Variants in THSD7A observed in about 807,000 individuals in gnomAD.
THSD7A encodes the protein thrombospondin type-1 domain-containing protein 7A.
In THSD7A, 96 loss-of-function variants were observed where a neutral mutation model predicts 231.3. The ratio of observed to expected loss-of-function variants is 0.41; its 90% CI spans 0.35 to 0.49. The LOEUF (loss-of-function observed/expected upper bound fraction) is 0.49. Among genes scored for constraint, THSD7A ranks in the 20% least tolerant of loss-of-function variants. The probability of loss-of-function intolerance (pLI) is 0.05; values close to 1 mark genes in which losing one functional copy is unlikely to be tolerated. For missense variants in THSD7A, 2,290 were observed against 2,070.2 expected (o/e 1.11, Z -2.06); for synonymous variants, 940 against 743.3 (o/e 1.26, Z -4.30).
chr7:11,630,697 T>G (rs1269060859), intron 2 of THSD7A, among the ~76,000 whole-genome samples: 1 of 152,234 alleles, frequency 6.6e-6, no homozygotes, highest in East Asian at 1.9e-4. Flanking sequence ...TAATTACCAT[T>G]AATTGCCCTT....
chr7:11,446,446 C>A lies in THSD7A; in HGVS notation c.2801-122G>T, dbSNP rs968406144. On this transcript the variant is annotated intron_variant, in intron 12 of 27. Coordinates refer to ENST00000423059, the MANE Select transcript of THSD7A (RefSeq NM_015204.3). The surrounding 1 kb of genome is among the most constrained non-coding windows in gnomAD (Gnocchi z 4.0). ...CATTTTTAACCATATTTAACAGTAG[C>A]CTATAAATCAATGCTATTTTCTCAT... 3.5e-6 allele frequency: 4 copies of A among 1,128,756 alleles called. No homozygotes were observed. The highest frequency in any genetic ancestry group is 2.5e-6 in the Non-Finnish European group (2 of 798,182). 69.9% of individuals were successfully genotyped at this position (1,128,756 alleles called of 1,614,324 possible).
At chr7:11,740,916 T>C (rs1375037473) in intron 1 of THSD7A, among the ~76,000 whole-genome samples, 1 of 151,998 alleles carries the variant, frequency 6.6e-6, no homozygotes, top group African/African-American at 2.4e-5. Context: ...ATTTGCTGAA[T>C]TACTGAACAT....
At chr7:11,480,728 G>T (rs545431846) in intron 7 of THSD7A, among the ~76,000 whole-genome samples, 2 of 152,006 alleles carry the variant, frequency 1.3e-5, no homozygotes, top group Admixed American at 6.6e-5. Context: ...GGTAATTATA[G>T]GTGTGCACAG....
At chr7:11,657,247 C>G (rs568772361) in intron 1 of THSD7A, among the ~76,000 whole-genome samples, 5 of 151,790 alleles carry the variant, frequency 3.3e-5, no homozygotes, top group African/African-American at 1.2e-4. Context: ...GTAGAACTCA[C>G]AAGTTGGTGG....
At chr7:11,748,146 A>G (rs1208790171) in intron 1 of THSD7A, among the ~76,000 whole-genome samples, 4 of 152,008 alleles carry the variant, frequency 2.6e-5, no homozygotes, top group African/African-American at 9.7e-5. Flanking sequence ...ATGCAACTGC[A>G]GGAGAGAATG....
intron 1 of THSD7A, among the ~76,000 whole-genome samples, chr7:11,793,130 G>A (rs572497847): frequency 6.6e-6 from 1 of 151,830 alleles, no homozygotes; most frequent in Admixed American, 6.6e-5. Flanking sequence ...CAACTAGAAG[G>A]AGAAATTAAG....
At chr7:11,469,726 C>A (rs1018905027) in intron 9 of THSD7A, among the ~76,000 whole-genome samples, 153 bp downstream of exon 9, 1 of 152,072 alleles carries the variant, frequency 6.6e-6, no homozygotes, top group Non-Finnish European at 1.5e-5. Context: ...TATGTTATTT[C>A]CTAGAGGGAA....
chr7:11,458,197 T>C (rs1785372880), intron 11 of THSD7A, among the ~76,000 whole-genome samples: 2 of 152,152 alleles, frequency 1.3e-5, no homozygotes, highest in East Asian at 1.9e-4. Flanking sequence ...AAGTTCATTT[T>C]TTTATTTAAG....
At chr7:11,809,631 TA>T (rs1784478899) in intron 1 of THSD7A, among the ~76,000 whole-genome samples, 9 of 152,300 alleles carry the variant, frequency 5.9e-5, no homozygotes, top group African/African-American at 1.4e-4. Context: ...AATATTTCAG[TA>T]AGCATTATTG....
intron 4 of THSD7A, among the ~76,000 whole-genome samples, chr7:11,546,202 G>GCGCGCGCGCACGCACACACACACACACA (rs761841418): frequency 7.7e-6 from 1 of 129,374 alleles, no homozygotes; most frequent in Non-Finnish European, 1.7e-5. Context: ...GTGGGCGCGC[G>GCGCGCGCGCACGCACACACACACACACA]CTCACACACA....
At chr7:11,647,728 C>A (rs1037779027) in intron 1 of THSD7A, among the ~76,000 whole-genome samples, 6 of 152,070 alleles carry the variant, frequency 3.9e-5, no homozygotes, top group African/African-American at 1.4e-4. Context: ...AGGTAAGTGT[C>A]AATTTTGCTA....
At chr7:11,808,208 G>C (rs780218020) in intron 1 of THSD7A, among the ~76,000 whole-genome samples, 1 of 152,030 alleles carries the variant, frequency 6.6e-6, no homozygotes, top group African/African-American at 2.4e-5. Context: ...CCAAAATTAA[G>C]TTGTTGCCAA....
intron 13 of THSD7A, among the ~76,000 whole-genome samples, chr7:11,441,547 C>T (rs555809635): frequency 6.6e-6 from 1 of 152,122 alleles, no homozygotes; most frequent in South Asian, 2.1e-4. Flanking sequence ...TGTGGTTAGG[C>T]TCTCAATACA....
intron 1 of THSD7A, among the ~76,000 whole-genome samples, chr7:11,813,857 T>G (rs1784603758): frequency 2.0e-5 from 3 of 152,060 alleles, no homozygotes; most frequent in African/African-American, 7.2e-5. Flanking sequence ...AAAATACATA[T>G]CCACACTAAA....
At chr7:11,594,735 C>G (rs532272461) in intron 2 of THSD7A, among the ~76,000 whole-genome samples, 6 of 152,278 alleles carry the variant, frequency 3.9e-5, no homozygotes, top group African/African-American at 1.4e-4. Flanking sequence ...CTCAAATCTG[C>G]TAGATAAATT....
chr7:11,567,253 A>T (rs1217162454), intron 4 of THSD7A, among the ~76,000 whole-genome samples: 5 of 152,108 alleles, frequency 3.3e-5, no homozygotes, highest in Admixed American at 3.3e-4. Flanking sequence ...GTGAAGAGGA[A>T]GCAAGACACT....
intron 1 of THSD7A, among the ~76,000 whole-genome samples, chr7:11,697,239 A>T (rs974249608): frequency 6.6e-6 from 1 of 151,330 alleles, no homozygotes; most frequent in Admixed American, 6.6e-5. Context: ...AATCCTCCAA[A>T]ACCTCATTGC....
chr7:11,514,687 T>G (rs888565581), intron 6 of THSD7A, among the ~76,000 whole-genome samples: 2 of 152,206 alleles, frequency 1.3e-5, no homozygotes, highest in Admixed American at 6.6e-5. Context: ...CATCAAATAT[T>G]TCACAAAATT....
At chr7:11,582,424 T>G (rs1791206033) in intron 4 of THSD7A, among the ~76,000 whole-genome samples, 1 of 152,108 alleles carries the variant, frequency 6.6e-6, no homozygotes, top group African/African-American at 2.4e-5. Context: ...TTGTTTCCTA[T>G]CCTATATTAT....
Sources: gnomAD v4.1 joint callset for allele counts (sites outside exome capture counted in the v4.1 genomes callset) on GRCh38, gnomAD v4.1.1 for gene constraint, Gnocchi (gnomAD v3.1) non-coding constraint, MANE v1.5 for transcripts, NCBI Gene and HGNC (gene_info 2026-07-23, HGNC 2026-07-21) for gene names.